ADAM12: variants seen among roughly 807,000 people sequenced by gnomAD.
ADAM12 encodes the protein disintegrin and metalloproteinase domain-containing protein 12.
Under a neutral mutation model 106.4 loss-of-function variants are expected in ADAM12, and 70 were observed. The ratio of observed to expected loss-of-function variants is 0.66; its 90% confidence interval spans 0.54 to 0.80. The LOEUF (loss-of-function observed/expected upper bound fraction) is 0.80. Ranked by LOEUF, ADAM12 falls within the 30% of genes least tolerant of loss-of-function variation. ADAM12 has a pLI of 0.00. For missense variants in ADAM12, 1,010 were observed against 1,171.9 expected, an observed-to-expected ratio of 0.86 and a Z score of 2.02; for synonymous variants, 420 against 433.5, an observed-to-expected ratio of 0.97 and a Z score of 0.39.
At chr10:126,274,407 G>T (rs1959201443) in intron 3 of ADAM12, among the ~76,000 whole-genome samples, 1 of 152,128 alleles carries the variant, frequency 6.6e-6, no homozygotes, top group Admixed American at 6.5e-5. Flanking sequence ...TGCCTCAGGG[G>T]CTTGAGTATG....
chr10:126,016,619 G>A lies in ADAM12; in HGVS notation c.*660C>T, dbSNP rs1953666070. The A allele has an allele frequency of 6.6e-6, 1 of 152,330 alleles. No individual in the cohort carries two copies. Among genetic ancestry groups the A allele is most frequent in the South Asian group, 2.1e-4 (1 of 4,838 alleles). 9.4% of individuals were successfully genotyped at this position (152,330 alleles called of 1,614,324 possible). ...AAGTTCTGGCTTGTCTAGTGTTCCA[G>A]TCTCTATCCTGGTGTGGCTACACCT... On this transcript the variant is annotated 3_prime_UTR_variant, in exon 23 of 23. Transcript: ENST00000448723.
rs1957444302 is a variant in ADAM12, at chr10:126,188,728, A to G, written c.261-33423T>C. ...CTTTGGGAATCTTTTTTTCAATTGC[A>G]TTTTAACTATTACAATTAATCATTC... is the stretch of plus-strand genomic sequence containing the variant. On this transcript the variant is annotated intron_variant, in intron 3 of 22. Coordinates refer to ENST00000448723, the MANE Select transcript of ADAM12 (RefSeq NM_001288973.2). 2.0e-5 allele frequency among the ~76,000 whole-genome samples: 3 copies of G among 152,088 alleles called. No homozygotes were observed. In the South Asian group the frequency reaches 6.2e-4, roughly 32 times the overall value.
In ADAM12 at chr10:126,175,733, C is replaced by T. The variant is rs1006339603; in HGVS notation, c.261-20428G>A. The stretch of plus-strand genomic sequence containing the variant: ...TTGGGAAAGAGTCTGCTCGTTCCAT[C>T]GGAATGCCCAGAAGAGCAGGGGCTT... On this transcript the variant is annotated intron_variant, in intron 3 of 22. Coordinates refer to ENST00000448723, the MANE Select transcript of ADAM12 (RefSeq NM_001288973.2). Among the ~76,000 whole-genome samples the T allele has an allele frequency of 1.7e-4, 26 of 152,304 alleles. 1 individual carries two copies. Among genetic ancestry groups the T allele is most frequent in the Admixed American group, 3.9e-4 (6 of 15,294 alleles).
chr10:126,087,995 A>G lies in ADAM12; in HGVS notation c.1145+5990T>C, dbSNP rs372357972. Among the ~76,000 whole-genome samples the G allele has an allele frequency of 9.2e-5, 14 of 152,348 alleles. No homozygotes were observed. The East Asian group carries it at 2.7e-3, about 29-fold the overall frequency. On this transcript the variant is annotated intron_variant, in intron 11 of 22. Transcript: ENST00000448723. ...TTTAGACTGGACTCTATTCCAGGAT[A>G]TCTTTTCTGCCTGCTGCCTCTTCTA...
At chr10:126,366,477 A>G (rs1855915631) in intron 1 of ADAM12, among the ~76,000 whole-genome samples, 1 of 152,082 alleles carries the variant, frequency 6.6e-6, no homozygotes, top group Non-Finnish European at 1.5e-5. Context: ...GAAATATTAA[A>G]ACTACTCAGT....
At chr10:126,387,317 G>GTC (rs974474276) in intron 1 of ADAM12, among the ~76,000 whole-genome samples, 1 of 152,130 alleles carries the variant, frequency 6.6e-6, no homozygotes, top group African/African-American at 2.4e-5. Flanking sequence ...GAAAACCTAA[G>GTC]TCTGTAAAAC....
chr10:126,113,782 T>C (rs1446229602), intron 6 of ADAM12, among the ~76,000 whole-genome samples: 1 of 133,188 alleles, frequency 7.5e-6, no homozygotes, highest in Non-Finnish European at 1.5e-5. Context: ...GGAGATGATA[T>C]TGGATGATAC....
intron 2 of ADAM12, among the ~76,000 whole-genome samples, chr10:126,314,459 T>C (rs1215541324): frequency 6.6e-6 from 1 of 152,152 alleles, no homozygotes; most frequent in Non-Finnish European, 1.5e-5. Context: ...ATCACCTCAA[T>C]GGGGCCACAC....
chr10:126,157,171 T>C (rs1956835070), intron 3 of ADAM12, among the ~76,000 whole-genome samples: 1 of 152,218 alleles, frequency 6.6e-6, no homozygotes, highest in Admixed American at 6.5e-5. Context: ...GCTCTGAGAA[T>C]GTGGCCACCA....
chr10:126,226,455 T>G (rs1244280746), intron 3 of ADAM12, among the ~76,000 whole-genome samples: 1 of 152,100 alleles, frequency 6.6e-6, no homozygotes, highest in Non-Finnish European at 1.5e-5. Context: ...ACAGCTGACA[T>G]GCATGCAATG....
intron 2 of ADAM12, among the ~76,000 whole-genome samples, chr10:126,323,269 T>G (rs968397629): frequency 6.6e-6 from 1 of 152,188 alleles, no homozygotes. Context: ...CCTGAGCAAC[T>G]CCTGCAATTA....
intron 2 of ADAM12, among the ~76,000 whole-genome samples, chr10:126,320,110 A>C (rs936337394): frequency 6.6e-6 from 1 of 152,232 alleles, no homozygotes. Context: ...CAACCCAATA[A>C]AATCTTATTC....
At chr10:126,324,244 C>T (rs1446926238) in intron 2 of ADAM12, among the ~76,000 whole-genome samples, 2 of 152,342 alleles carry the variant, frequency 1.3e-5, no homozygotes, top group African/African-American at 4.8e-5. Context: ...ATGGGTTTCA[C>T]AAGAGAAGGT....
At chr10:126,113,676 AAAAAAAAAAAAATATATATATATATATAT>A (rs1955915397) in intron 6 of ADAM12, among the ~76,000 whole-genome samples, 3 of 58,604 alleles carry the variant, frequency 5.1e-5, no homozygotes, top group African/African-American at 2.4e-4. Context: ...AAAAAAAAAA[AAAAAAAAAAAAATATATATATATATATAT>A]ATATATATAT....
intron 6 of ADAM12, among the ~76,000 whole-genome samples, chr10:126,114,036 C>T (rs1456595835): frequency 2.6e-5 from 4 of 152,104 alleles, no homozygotes; most frequent in Admixed American, 6.6e-5. Context: ...AAGCAAGCAA[C>T]GCTCCATGCC....
chr10:126,268,617 G>T (rs1262025687), intron 3 of ADAM12, among the ~76,000 whole-genome samples: 1 of 152,168 alleles, frequency 6.6e-6, no homozygotes, highest in African/African-American at 2.4e-5. Context: ...ATAGAAGTAA[G>T]AAACCAGTAA....
chr10:126,063,973 A>G (rs1954810858), intron 14 of ADAM12, among the ~76,000 whole-genome samples: 1 of 152,188 alleles, frequency 6.6e-6, no homozygotes, highest in Admixed American at 6.5e-5. Context: ...GTGACTGTGC[A>G]TTGTGGGAGT....
At chr10:126,239,046 C>A (rs1444633614) in intron 3 of ADAM12, among the ~76,000 whole-genome samples, 2 of 152,214 alleles carry the variant, frequency 1.3e-5, no homozygotes, top group African/African-American at 2.4e-5. Context: ...ACTAAGTAGG[C>A]ATCTTGGGAG....
intron 3 of ADAM12, among the ~76,000 whole-genome samples, chr10:126,275,756 G>A (rs1046113553): frequency 5.3e-5 from 8 of 152,044 alleles, no homozygotes; most frequent in African/African-American, 1.7e-4. Context: ...TAATAAATAC[G>A]TTAGCAATCT....
Sources: allele counts gnomAD v4.1 joint callset (sites outside exome capture counted in the v4.1 genomes callset), GRCh38; gene constraint gnomAD v4.1.1; transcripts MANE v1.5; gene names NCBI Gene and HGNC (gene_info 2026-07-23, HGNC 2026-07-21).